Variants in DNAH3 observed in about 807,000 individuals in gnomAD.
DNAH3 encodes dynein axonemal heavy chain 3, also known as axonemal beta dynein heavy chain 3.
Under a neutral mutation model 432.5 loss-of-function variants are expected in DNAH3, and 332 were observed. The observed-to-expected ratio is 0.77, with a 90% confidence interval of 0.70 to 0.84. DNAH3 has a LOEUF of 0.84. Among genes scored for constraint, DNAH3 ranks in the 40% least tolerant of loss-of-function variants. DNAH3 has a pLI of 0.00. For synonymous variants in DNAH3, 1,956 were observed against 1,900.2 expected (o/e 1.03, Z -0.76); for missense variants, 4,861 against 5,114.0 (o/e 0.95, Z 1.51).
At chr16:21,079,449 C>A (rs779129445) in intron 20 of DNAH3, among the ~76,000 whole-genome samples, 7 of 152,008 alleles carry the variant, frequency 4.6e-5, no homozygotes, top group Non-Finnish European at 7.4e-5. Context: ...CATGATGAAA[C>A]CCCATCTCTA....
chr16:21,042,183 G>C (rs147257748), exon 32 of DNAH3: 2 of 1,606,790 alleles, frequency 1.2e-6, no homozygotes, highest in Admixed American at 1.7e-5. Flanking sequence ...TCTGCTGAGC[G>C]ACCACAGACA....
At position 20,991,812 on chromosome 16, in the gene DNAH3, G is replaced by A. The variant is rs112454353; in HGVS notation, c.6602-3747C>T. 6.1e-3 allele frequency among the ~76,000 whole-genome samples: 924 copies of A among 152,314 alleles called. 11 individuals are homozygous for A. The highest frequency in any genetic ancestry group is 0.021 in the African/African-American group (873 of 41,566). On this transcript the variant is annotated intron_variant, in intron 44 of 61. Transcript: ENST00000261383. ...CATCCCTTTGGCCAGACCATAGGTG[G>A]TGGTGTGTTCTTTCATTGGAAAGTA...
chr16:20,938,023 C>G (rs2083659394), intron 59 of DNAH3, among the ~76,000 whole-genome samples: 1 of 152,152 alleles, frequency 6.6e-6, no homozygotes, highest in Non-Finnish European at 1.5e-5. Context: ...TTTATGGAAT[C>G]TCAACTGAAT....
chr16:21,065,396 C>A (rs761208315), intron 24 of DNAH3, among the ~76,000 whole-genome samples: 1 of 152,004 alleles, frequency 6.6e-6, no homozygotes, highest in African/African-American at 2.4e-5. Flanking sequence ...CCCAGCCTCA[C>A]GTGATCTGCC....
chr16:21,081,710 G>T (rs777703183), exon 20 of DNAH3: 1 of 1,613,630 alleles, frequency 6.2e-7, no homozygotes, highest in Non-Finnish European at 8.5e-7. Flanking sequence ...TTATCTCATA[G>T]CCAACAATCT....
In DNAH3 at chr16:21,140,685, T is replaced by C. The variant is rs778772472; in HGVS notation, c.547A>G (p.Ile183Val). Residue 183 changes from isoleucine (I) to valine (V), a missense_variant, in exon 5 of 62, where the codon ATC becomes GTC. Coordinates refer to ENST00000261383, the Ensembl canonical transcript of DNAH3. ...ACCTCCTTCTTCATGGGTGAGAAGA[T>C]TGACGTCTTGAAGGCCAACTTGATC... 9.9e-6 allele frequency: 16 copies of C among 1,613,998 alleles called. No homozygotes were observed. In the African/African-American group the frequency reaches 1.3e-4, roughly 13 times the overall value.
chr16:21,151,092 T>A (rs913215907), intron 1 of DNAH3, among the ~76,000 whole-genome samples: 1 of 152,094 alleles, frequency 6.6e-6, no homozygotes, highest in Non-Finnish European at 1.5e-5. Flanking sequence ...GTGGTTAAGT[T>A]CTTGGGATCT....
intron 41 of DNAH3, among the ~76,000 whole-genome samples, chr16:21,005,150 C>CTCTT (rs201886606): frequency 0.099 from 14,675 of 147,532 alleles, 826 homozygotes; most frequent in South Asian, 0.19. Context: ...TTTCTCTCGT[C>CTCTT]TCTTTCTTTT....
intron 11 of DNAH3, among the ~76,000 whole-genome samples, chr16:21,118,032 G>C (rs989293089): frequency 1.3e-5 from 2 of 152,030 alleles, no homozygotes; most frequent in African/African-American, 4.8e-5. Context: ...CTATGGCCCA[G>C]GCTGGAGTGC....
chr16:21,136,407 G>C (rs541602132), exon 6 of DNAH3: 6 of 1,614,030 alleles, frequency 3.7e-6, no homozygotes, highest in Non-Finnish European at 5.1e-6. Context: ...GAAGGGACTC[G>C]TCAGCAGCGT....
chr16:21,131,158 G>A (rs971405932), intron 7 of DNAH3, among the ~76,000 whole-genome samples: 10 of 152,036 alleles, frequency 6.6e-5, no homozygotes, highest in African/African-American at 2.4e-4. Context: ...GCAACCTAGA[G>A]AGACCCTGTT....
At chr16:21,070,475 G>A (rs2090741291) in intron 22 of DNAH3, among the ~76,000 whole-genome samples, 1 of 152,076 alleles carries the variant, frequency 6.6e-6, no homozygotes, top group African/African-American at 2.4e-5. Flanking sequence ...TAGAGACGGA[G>A]TTTCACCATG....
intron 41 of DNAH3, among the ~76,000 whole-genome samples, chr16:21,009,512 AT>A (rs1305773774): frequency 1.3e-5 from 2 of 152,118 alleles, no homozygotes; most frequent in Admixed American, 6.6e-5. Flanking sequence ...TTGGTAAAAT[AT>A]TTTTCCCTCT....
intron 1 of DNAH3, among the ~76,000 whole-genome samples, chr16:21,146,771 T>C (rs532623191): frequency 1.3e-4 from 19 of 151,718 alleles, no homozygotes; most frequent in East Asian, 5.8e-4. Context: ...TTCTTTCTTT[T>C]TTTTTTTGAG....
intron 9 of DNAH3, among the ~76,000 whole-genome samples, chr16:21,122,688 C>A (rs1028165445): frequency 2.0e-5 from 3 of 152,164 alleles, no homozygotes; most frequent in African/African-American, 7.2e-5. Flanking sequence ...ATATCTAGAT[C>A]CTTCCCATCC....
chr16:21,159,015 T>C (rs543486046), intron 1 of DNAH3, among the ~76,000 whole-genome samples: 126 of 144,174 alleles, frequency 8.7e-4, no homozygotes, highest in Non-Finnish European at 1.6e-3. Context: ...CACACACACA[T>C]ACACACACAC....
chr16:20,960,317 A>G (rs1347871181), intron 53 of DNAH3, among the ~76,000 whole-genome samples: 2 of 152,252 alleles, frequency 1.3e-5, no homozygotes, highest in East Asian at 3.9e-4. Context: ...TTGCACTCAT[A>G]AGAGGTGGGG....
At chr16:21,064,515 T>C (rs185368896) in intron 24 of DNAH3, among the ~76,000 whole-genome samples, 4 of 152,358 alleles carry the variant, frequency 2.6e-5, no homozygotes, top group East Asian at 1.9e-4. Flanking sequence ...ACGAATACAC[T>C]GTATCTACAG....
intron 55 of DNAH3, among the ~76,000 whole-genome samples, chr16:20,953,981 G>C (rs78722178): frequency 0.043 from 6,512 of 152,082 alleles, 424 homozygotes; most frequent in African/African-American, 0.15. Flanking sequence ...GTGTATGTCA[G>C]AATTTTCTTC....
Sources: allele counts gnomAD v4.1 joint callset (sites outside exome capture counted in the v4.1 genomes callset), GRCh38; gene constraint gnomAD v4.1.1; transcripts MANE v1.5; gene names NCBI Gene and HGNC (gene_info 2026-07-23, HGNC 2026-07-21).